CEP57: variants seen among roughly 807,000 people sequenced by gnomAD.
CEP57 encodes centrosomal protein 57.
Under a neutral mutation model 68.0 loss-of-function variants are expected in CEP57, and 40 were observed. That is an observed-to-expected ratio of 0.59 (90% CI 0.46 to 0.77). The LOEUF (loss-of-function observed/expected upper bound fraction) is 0.77. Among genes scored for constraint, CEP57 ranks in the 30% least tolerant of loss-of-function variants. The pLI is 0.00. For missense variants in CEP57, 606 were observed against 580.7 expected (o/e 1.04, Z -0.45); for synonymous variants, 219 against 198.7 (o/e 1.10, Z -0.86).
At chr11:95,790,831 C>A (rs894402224) in intron 1 of CEP57, 88 bp downstream of exon 1, 2 of 1,477,014 alleles carry the variant, frequency 1.4e-6, no homozygotes, top group Non-Finnish European at 1.9e-6. Context: ...GTCAGTCCAG[C>A]TTCTGACGCA....
intron 9 of CEP57, 82 bp downstream of exon 9, chr11:95,828,109 ACTTTC>A: frequency 6.7e-7 from 1 of 1,491,466 alleles, no homozygotes; most frequent in East Asian, 2.5e-5. Context: ...ATTAAATCTT[ACTTTC>A]CTTTGTTGAG....
intron 8 of CEP57, among the ~76,000 whole-genome samples, chr11:95,824,073 T>TA (rs71040119): frequency 0.053 from 5,929 of 112,596 alleles, 231 homozygotes; most frequent in South Asian, 0.13. Flanking sequence ...AGGCCTATTG[T>TA]AAAAAAAAAA....
intron 2 of CEP57, among the ~76,000 whole-genome samples, chr11:95,812,221 ATAAG>A (rs1269684039): frequency 6.6e-6 from 1 of 152,102 alleles, no homozygotes; most frequent in African/African-American, 2.4e-5. Flanking sequence ...AAATGTATTA[ATAAG>A]TAATAGTTAC....
chr11:95,829,376 A>G, intron 10 of CEP57, 45 bp downstream of exon 10: 1 of 1,570,580 alleles, frequency 6.4e-7, no homozygotes, highest in Non-Finnish European at 8.8e-7. Flanking sequence ...ATTAAGAAAA[A>G]AAAAACACTT....
intron 2 of CEP57, among the ~76,000 whole-genome samples, chr11:95,805,106 G>A (rs519511): frequency 0.35 from 52,749 of 152,076 alleles, 9,861 homozygotes; most frequent in Non-Finnish European, 0.42. Context: ...CAGAAATAAA[G>A]TATCAGCAAC....
At chr11:95,792,234 G>A (rs1861116561) in intron 1 of CEP57, among the ~76,000 whole-genome samples, 1 of 152,198 alleles carries the variant, frequency 6.6e-6, no homozygotes, top group Non-Finnish European at 1.5e-5. Context: ...GTCAGCAGAT[G>A]GATGAGATTT....
rs1354741521 is a variant in CEP57 at position 95,804,445 on chromosome 11, CAG to C, written c.202+5061_202+5062del. 2.6e-5 allele frequency among the ~76,000 whole-genome samples: 4 copies of C among 152,094 alleles called. No homozygotes were observed. The East Asian group carries it at 7.7e-4, about 29-fold the overall frequency. On this transcript the variant is annotated intron_variant, in intron 2 of 10. Coordinates refer to ENST00000325542, the MANE Select transcript of CEP57 (RefSeq NM_014679.5). The stretch of plus-strand genomic sequence containing the variant: ...AGCCTTAAATGTTGGGGTACAGTAG[CAG>C]AGATGATGGAATTTTAAATGTGGGT...
chr11:95,801,836 G>A (rs1041854164), intron 2 of CEP57, among the ~76,000 whole-genome samples: 3 of 151,966 alleles, frequency 2.0e-5, no homozygotes, highest in East Asian at 1.9e-4. Flanking sequence ...GGGAGGAGAC[G>A]GAGAGGAGAA....
intron 1 of CEP57, chr11:95,795,516 T>G: frequency 2.1e-6 from 1 of 479,378 alleles, no homozygotes; most frequent in Non-Finnish European, 3.7e-6. Context: ...TTTTTCTTAG[T>G]GTGCAGACTA....
intron 4 of CEP57, among the ~76,000 whole-genome samples, chr11:95,817,442 A>G: frequency 6.6e-6 from 1 of 152,176 alleles, no homozygotes; most frequent in Admixed American, 6.5e-5. Context: ...CAAAACCATA[A>G]TTTTTACCCT....
chr11:95,791,026 G>A (rs541041215), intron 1 of CEP57, among the ~76,000 whole-genome samples: 21 of 152,308 alleles, frequency 1.4e-4, no homozygotes, highest in African/African-American at 4.8e-4. Flanking sequence ...CCAAGGGCCG[G>A]CTGGGATAAC....
In CEP57 at chr11:95,831,302, C is replaced by A; in HGVS notation, c.*46C>A. ...TTTATTCAGATAATCTGTACCTCAT[C>A]AATCAGATGATGACAATTTACTTCC... On this transcript the variant is annotated 3_prime_UTR_variant, in exon 11 of 11. Coordinates refer to ENST00000325542, the MANE Select transcript of CEP57 (RefSeq NM_014679.5). 1 of 1,312,306 alleles carries A rather than the reference C, an allele frequency of 7.6e-7. No individual in the cohort carries two copies. Among genetic ancestry groups the A allele is most frequent in the Non-Finnish European group, 1.1e-6 (1 of 912,160 alleles). 81.3% of individuals were successfully genotyped at this position (1,312,306 alleles called of 1,614,324 possible).
chr11:95,794,090 T>C, intron 1 of CEP57: 1 of 332,982 alleles, frequency 3.0e-6, no homozygotes, highest in Non-Finnish European at 6.0e-6. Context: ...AAAGCAAACA[T>C]TAAAGAGATC....
chr11:95,803,678 C>G (rs1414098596), intron 2 of CEP57, among the ~76,000 whole-genome samples: 1 of 151,080 alleles, frequency 6.6e-6, no homozygotes, highest in African/African-American at 2.4e-5. Context: ...TCAAACATGG[C>G]TAGCACTTTC....
At chr11:95,790,800 T>G in intron 1 of CEP57, 57 bp downstream of exon 1, 1 of 1,594,876 alleles carries the variant, frequency 6.3e-7, no homozygotes, top group Non-Finnish European at 8.6e-7. Flanking sequence ...CTCTTTGAGT[T>G]TCCTCACGTT....
chr11:95,818,031 T>C, intron 5 of CEP57, 128 bp downstream of exon 5: 1 of 683,252 alleles, frequency 1.5e-6, no homozygotes, highest in Non-Finnish European at 2.6e-6. Context: ...TATTGGAGTT[T>C]TAAAAAGAAA....
At chr11:95,814,593 C>T (rs1469495045) in intron 4 of CEP57, among the ~76,000 whole-genome samples, 2 of 152,158 alleles carry the variant, frequency 1.3e-5, no homozygotes, top group Non-Finnish European at 2.9e-5. Flanking sequence ...CTGCCAACCT[C>T]ATGTGATCCG....
chr11:95,810,414 C>A (rs1421273008), intron 2 of CEP57, among the ~76,000 whole-genome samples: 1 of 152,104 alleles, frequency 6.6e-6, no homozygotes, highest in Non-Finnish European at 1.5e-5. Context: ...TCAAATTGTC[C>A]CTGTTTGCAG....
chr11:95,790,824 A>G (rs935887568), intron 1 of CEP57, 81 bp downstream of exon 1: 1 of 1,524,976 alleles, frequency 6.6e-7, no homozygotes, highest in African/African-American at 1.4e-5. Flanking sequence ...GGGCGCTGTC[A>G]GTCCAGCTTC....
Sources: gnomAD v4.1 joint callset for allele counts (sites outside exome capture counted in the v4.1 genomes callset) on GRCh38, gnomAD v4.1.1 for gene constraint, MANE v1.5 for transcripts, NCBI Gene and HGNC (gene_info 2026-07-23, HGNC 2026-07-21) for gene names.